NEK11: variants seen among roughly 807,000 people sequenced by gnomAD.
NEK11 encodes the protein NIMA related kinase 11.
Under a neutral mutation model 80.7 loss-of-function variants are expected in NEK11, and 72 were observed. The observed-to-expected ratio is 0.89, with a 90% CI of 0.74 to 1.08. The LOEUF (loss-of-function observed/expected upper bound fraction) is 1.08, where lower values mean the gene tolerates loss of function less well. Among genes scored for constraint, NEK11 ranks in the 50% least tolerant of loss-of-function variants. The pLI, the probability that NEK11 is intolerant of heterozygous loss-of-function variation, is 0.00. For synonymous variants in NEK11, 251 were observed against 260.7 expected (o/e 0.96, Z 0.36); for missense variants, 764 against 763.6 (o/e 1.00, Z -0.01).
intron 17 of NEK11, among the ~76,000 whole-genome samples, chr3:131,292,333 A>ACT (rs2096552389): frequency 6.6e-6 from 1 of 152,046 alleles, no homozygotes; most frequent in Admixed American, 6.6e-5. Flanking sequence ...CTTTATGGTA[A>ACT]CTCTTGATGT....
intron 4 of NEK11, among the ~76,000 whole-genome samples, chr3:131,091,031 T>C (rs969308655): frequency 6.6e-6 from 1 of 152,190 alleles, no homozygotes; most frequent in African/African-American, 2.4e-5. Flanking sequence ...CCTGAATTAC[T>C]GGGATTACAG....
At chr3:131,339,071 A>C (rs2097244803) in intron 17 of NEK11, among the ~76,000 whole-genome samples, 1 of 152,192 alleles carries the variant, frequency 6.6e-6, no homozygotes, top group African/African-American at 2.4e-5. Flanking sequence ...CTGGGACTTA[A>C]CAGACTCTTT....
intron 3 of NEK11, among the ~76,000 whole-genome samples, chr3:131,076,986 TATCTCAAAG>T (rs2074458901): frequency 6.6e-6 from 1 of 152,214 alleles, no homozygotes; most frequent in Non-Finnish European, 1.5e-5. Context: ...CCTTAATTAA[TATCTCAAAG>T]ATATCATCTT....
chr3:131,297,831 A>G (rs973872344), intron 17 of NEK11, among the ~76,000 whole-genome samples: 2 of 152,122 alleles, frequency 1.3e-5, no homozygotes, highest in African/African-American at 2.4e-5. Context: ...ATCTTGAATT[A>G]ATTTTTGTGT....
At chr3:131,153,854 A>C (rs1011301082) in intron 9 of NEK11, among the ~76,000 whole-genome samples, 4 of 152,232 alleles carry the variant, frequency 2.6e-5, no homozygotes, top group Non-Finnish European at 5.9e-5. Flanking sequence ...ACTGGGAAGA[A>C]AGTATAATAA....
At chr3:131,272,463 C>CTTCTTTTTTTT (rs2096210843) in intron 16 of NEK11, among the ~76,000 whole-genome samples, 1 of 43,884 alleles carries the variant, frequency 2.3e-5, no homozygotes, top group African/African-American at 9.1e-5. Flanking sequence ...GTTTTAGCTT[C>CTTCTTTTTTTT]TTTTTTTTTT....
rs986636353 is a variant in NEK11, at chr3:131,337,907, C to T, written c.1719-11650C>T. Among the ~76,000 whole-genome samples the T allele has an allele frequency of 5.9e-5, 9 of 152,206 alleles. No individual in the cohort carries two copies. In the South Asian group the frequency reaches 6.2e-4, roughly 11 times the overall value. ...ATACCTCATATGATTGTGTAAATAA[C>T]ACATTAAAAAATAGATATCAAGTGC... On this transcript the variant is annotated intron_variant, in intron 17 of 17. Transcript: ENST00000383366.
At chr3:131,147,082 T>C (rs915399757) in intron 7 of NEK11, among the ~76,000 whole-genome samples, 1 of 152,092 alleles carries the variant, frequency 6.6e-6, no homozygotes, top group Admixed American at 6.6e-5. Context: ...GTGCCTTTTA[T>C]GTCTTAAGAA....
At chr3:131,109,989 A>G in intron 5 of NEK11, 68 bp downstream of exon 5, 10 of 1,490,458 alleles carry the variant, frequency 6.7e-6, no homozygotes, top group Non-Finnish European at 9.0e-6. Context: ...TGAAAAGTGA[A>G]TTTTTTTTCT....
At chr3:131,310,027 C>T (rs529479902) in intron 17 of NEK11, among the ~76,000 whole-genome samples, 22 of 104,950 alleles carry the variant, frequency 2.1e-4, no homozygotes, top group African/African-American at 6.7e-4. Flanking sequence ...AAAAAAACAA[C>T]CTGTAGATAT....
chr3:131,064,582 A>AGGGGG (rs1244353291), intron 3 of NEK11, among the ~76,000 whole-genome samples: 1 of 152,156 alleles, frequency 6.6e-6, no homozygotes, highest in East Asian at 1.9e-4. Context: ...TATGAATTTT[A>AGGGGG]GGGGGACACA....
intron 7 of NEK11, among the ~76,000 whole-genome samples, chr3:131,151,598 A>G (rs1252992313): frequency 6.6e-6 from 1 of 152,088 alleles, no homozygotes. Flanking sequence ...GAAAACCTGG[A>G]CAGTTACATA....
At chr3:131,120,378 G>A (rs1361155781) in intron 5 of NEK11, among the ~76,000 whole-genome samples, 1 of 152,148 alleles carries the variant, frequency 6.6e-6, no homozygotes, top group African/African-American at 2.4e-5. Flanking sequence ...CCCTTTGTGG[G>A]TAACCCGACC....
At chr3:131,243,686 T>C (rs535889873) in intron 16 of NEK11, among the ~76,000 whole-genome samples, 190 bp downstream of exon 16, 1 of 152,246 alleles carries the variant, frequency 6.6e-6, no homozygotes, top group East Asian at 1.9e-4. Context: ...ATTATTATTG[T>C]AAGTAACTCT....
chr3:131,331,087 T>C (rs563448349), intron 17 of NEK11, among the ~76,000 whole-genome samples: 1 of 152,324 alleles, frequency 6.6e-6, no homozygotes, highest in East Asian at 1.9e-4. Flanking sequence ...GAATTAAGTT[T>C]CCAACACATG....
chr3:131,296,664 TTTA>T (rs1225608036), intron 17 of NEK11, among the ~76,000 whole-genome samples: 2 of 152,208 alleles, frequency 1.3e-5, no homozygotes, highest in Admixed American at 1.3e-4. Flanking sequence ...TTTATTTTAT[TTTA>T]TTATTATTAT....
At chr3:131,162,633 C>T (rs573753996) in intron 11 of NEK11, 106 bp downstream of exon 11, 93 of 1,236,674 alleles carry the variant, frequency 7.5e-5, no homozygotes, top group Non-Finnish European at 9.2e-5. Context: ...CCAATGCATA[C>T]GATTATGTAT....
intron 4 of NEK11, among the ~76,000 whole-genome samples, chr3:131,092,385 G>A (rs1426529770): frequency 6.6e-6 from 1 of 152,186 alleles, no homozygotes; most frequent in Non-Finnish European, 1.5e-5. Flanking sequence ...TACTAAGAGA[G>A]TGAAGTGTAT....
intron 14 of NEK11, among the ~76,000 whole-genome samples, chr3:131,201,857 CA>C (rs1365643163): frequency 6.6e-6 from 1 of 151,918 alleles, no homozygotes; most frequent in East Asian, 1.9e-4. Flanking sequence ...TATTTTGAGA[CA>C]GAGTCTCGTT....
Sources: gnomAD v4.1 joint callset for allele counts (sites outside exome capture counted in the v4.1 genomes callset) on GRCh38, gnomAD v4.1.1 for gene constraint, MANE v1.5 for transcripts, NCBI Gene and HGNC (gene_info 2026-07-23, HGNC 2026-07-21) for gene names.